Variants in CASP5 observed in about 807,000 individuals in gnomAD.
CASP5 encodes caspase-5.
A neutral mutation model predicts 45.2 loss-of-function variants in CASP5; 42 were observed. That is an observed-to-expected ratio of 0.93 (90% CI 0.73 to 1.20). The LOEUF is 1.20. Among genes scored for constraint, CASP5 ranks in the 50% most tolerant of loss-of-function variants. The pLI is 0.00. For synonymous variants in CASP5, 209 were observed against 186.2 expected (o/e 1.12, Z -1.00); for missense variants, 512 against 532.2 (o/e 0.96, Z 0.37).
intron 1 of CASP5, among the ~76,000 whole-genome samples, chr11:105,017,556 G>C (rs1439941391): frequency 6.6e-6 from 1 of 152,176 alleles, no homozygotes; most frequent in Non-Finnish European, 1.5e-5. Context: ...AAGGGTATCA[G>C]CGATGGAAGA....
rs1376217543 is a variant in CASP5, at chr11:105,017,527, G to A, written c.7+5603C>T. Among the ~76,000 whole-genome samples the A allele has an allele frequency of 2.4e-3, 363 of 152,110 alleles. 3 individuals carry two copies. Among genetic ancestry groups the A allele is most frequent in the Non-Finnish European group, 4.2e-3 (284 of 67,976 alleles). The stretch of plus-strand genomic sequence containing the variant: ...GAAGAATGCAGAAGCCTCAGGAGCC[G>A]ATGCGATCAACTGGAAGAAAGGGTA... On this transcript the variant is annotated intron_variant, in intron 1 of 9. Coordinates refer to ENST00000260315, the MANE Select transcript of CASP5 (RefSeq NM_004347.5).
Position 105,007,327 on chromosome 11 carries a change from G to A in CASP5, c.189C>T (p.Asn63=). The stretch of plus-strand genomic sequence containing the variant: ...ACATCTTAACTGTTTTTTTTTTGTG[G>A]TTGTCTTCTGTCAGAAATAGAAAGA... ...DQKSTSVKKD[N]HKKKTVKMLE... The change falls in exon 3 of 10, where the codon AAC becomes AAT. Residue 63 remains asparagine (N), a synonymous_variant. Transcript: ENST00000260315. 6.3e-7 allele frequency: 1 copy of A among 1,592,868 alleles called. No homozygotes were observed.
rs201689777 is a variant in CASP5, at chr11:105,007,273, A to G, written c.243T>C (p.His81=). The G allele has an allele frequency of 1.3e-5, 21 of 1,610,970 alleles. No homozygotes were observed. The African/African-American group carries it at 1.9e-4, about 14-fold the overall frequency. Residue 81 remains histidine, a synonymous_variant, in exon 3 of 10, where the codon CAT becomes CAC. Transcript: ENST00000260315. The part of the protein sequence containing the change: ...MLEYLGKDVL[H]GVFNYLAKHD... ...GTTTTGCCAAATAATTAAAAACACC[A>G]TGAAGAACATCTTTGCCCAGGTATT...
chr11:105,007,206 A>C lies in CASP5; in HGVS notation c.310T>G (p.Tyr104Asp), dbSNP rs1267132187. Residue 104 changes from tyrosine to aspartate, a missense_variant, in exon 3 of 10, where the codon TAT becomes GAT. Tyr to Asp is a radical substitution (Grantham distance 160). Coordinates refer to ENST00000260315, the MANE Select transcript of CASP5 (RefSeq NM_004347.5). The part of the protein sequence containing the change: ...TLKEEEKKKY[Y>D]DTKIEDKALI... ...GCCTTGTCTTCAATTTTGGTATCATAATATTTTTTCTTTTCCTCTTCCTTC... is the reference window on the plus strand; with the variant it reads ...GCCTTGTCTTCAATTTTGGTATCATCATATTTTTTCTTTTCCTCTTCCTTC... The C allele has an allele frequency of 1.2e-6, 2 of 1,613,684 alleles. No homozygotes were observed. The highest frequency in any genetic ancestry group is 1.1e-5 in the South Asian group (1 of 91,068).
At chr11:105,001,907 C>G (rs1410951602) in intron 5 of CASP5, 121 bp downstream of exon 5, 1 of 860,994 alleles carries the variant, frequency 1.2e-6, no homozygotes, top group Admixed American at 2.6e-5. Flanking sequence ...TACACACACA[C>G]ACACACACGC....
intron 1 of CASP5, among the ~76,000 whole-genome samples, chr11:105,021,713 G>C (rs1404039694): frequency 2.0e-5 from 3 of 146,730 alleles, no homozygotes; most frequent in Non-Finnish European, 4.5e-5. Flanking sequence ...CTGTTGGTGG[G>C]ACTGTAAACT....
chr11:105,012,812 G>A (rs1473401609), intron 1 of CASP5, among the ~76,000 whole-genome samples: 1 of 151,632 alleles, frequency 6.6e-6, no homozygotes, highest in African/African-American at 2.4e-5. Context: ...TATACTGTTG[G>A]TGAAAATATA....
At chr11:105,001,994 A>G (rs767206797) in intron 5 of CASP5, 34 bp downstream of exon 5, 1 of 1,599,484 alleles carries the variant, frequency 6.3e-7, no homozygotes, top group Admixed American at 1.7e-5. Context: ...TGTGTTGCCT[A>G]TGGATGAGTG....
chr11:105,019,261 C>G (rs1394420028), intron 1 of CASP5, among the ~76,000 whole-genome samples: 2 of 150,100 alleles, frequency 1.3e-5, no homozygotes, highest in African/African-American at 2.4e-5. Context: ...AAAGCAAGAG[C>G]AAACACATTC....
chr11:105,002,085 T>C lies in CASP5; in HGVS notation c.660A>G (p.Lys220=). ...NGAHYDIVGM[K]RLLQGLGYTV... is the part of the protein sequence containing the mutation. ...TGTAGCCCAGGCCTTGAAGCAGCCTTTTCATCCCCACGATGTCATAGTGAG... is the reference window on the plus strand; with the variant it reads ...TGTAGCCCAGGCCTTGAAGCAGCCTCTTCATCCCCACGATGTCATAGTGAG... The change falls in exon 5 of 10, where the codon AAA becomes AAG. Residue 220 remains lysine (K), a synonymous_variant. Coordinates refer to ENST00000260315, the MANE Select transcript of CASP5 (RefSeq NM_004347.5). 1 of 1,614,126 alleles carries C rather than the reference T, an allele frequency of 6.2e-7. No homozygotes were observed. The highest frequency in any genetic ancestry group is 8.5e-7 in the Non-Finnish European group (1 of 1,180,022).
At position 105,010,379 on chromosome 11, in the gene CASP5, CATT is replaced by C. The variant is rs1340021926; in HGVS notation, c.8-1402_8-1400del. Among the ~76,000 whole-genome samples, 361 of 144,304 alleles carry C rather than the reference CATT, an allele frequency of 2.5e-3. 3 individuals are homozygous for C. Among genetic ancestry groups the C allele is most frequent in the African/African-American group, 9.0e-3 (345 of 38,534 alleles). 94.7% of individuals were successfully genotyped at this position (144,304 alleles called of 152,430 possible). A position where few individuals can be genotyped will look rare whatever the true frequency, so the allele number is the denominator to read the frequency against. ...TATTATTAACAATATCAGTAATTAT[CATT>C]ATTATAATGATTTAATCAGTAATTA... is the stretch of plus-strand genomic sequence containing the variant. On this transcript the variant is annotated intron_variant, in intron 1 of 9. Coordinates refer to ENST00000260315, the MANE Select transcript of CASP5 (RefSeq NM_004347.5).
rs544456673 is a variant in CASP5 at position 104,998,352 on chromosome 11, A to T, written c.1096+533T>A. Among the ~76,000 whole-genome samples, 217 of 151,154 alleles carry T rather than the reference A, an allele frequency of 1.4e-3. 3 individuals are homozygous for T. In the South Asian group the frequency reaches 0.045, roughly 31 times the overall value. ...GATGATTACCTAGAGGTGAAATACA[A>T]ACGACTGTTTCCTGTAATTAGACCT... On this transcript the variant is annotated intron_variant, in intron 7 of 9. Transcript: ENST00000260315.
chr11:105,002,908 T>A lies in CASP5; in HGVS notation c.543+366A>T, dbSNP rs953217738. Among the ~76,000 whole-genome samples the A allele has an allele frequency of 2.0e-5, 3 of 152,290 alleles. No individual in the cohort carries two copies. The East Asian group carries it at 5.8e-4, about 29-fold the overall frequency. On this transcript the variant is annotated intron_variant, in intron 4 of 9. Transcript: ENST00000260315. Reference sequence around the variant, plus strand: ...CATCATTTAGTGCTTTAAGTATTTGTGCATTTATGGCTGGCACTGTGGTTC... The same window carrying A: ...CATCATTTAGTGCTTTAAGTATTTGAGCATTTATGGCTGGCACTGTGGTTC...
chr11:105,009,918 T>C (rs1862248153), intron 1 of CASP5, among the ~76,000 whole-genome samples: 1 of 125,566 alleles, frequency 8.0e-6, no homozygotes, highest in African/African-American at 3.3e-5. Context: ...CACATATATA[T>C]ATACACACAT....
chr11:105,000,471 A>G lies in CASP5; in HGVS notation c.742T>C (p.Phe248Leu). ...GACTTGTGCTCTGGTCTGGCAGCAA[A>G]TGCCCTCAGCACTGACTCCATATCC... ...ARDMESVLRAFAARPEHKSSD... is the reference protein window; with the variant it reads ...ARDMESVLRALAARPEHKSSD... The change falls in exon 6 of 10, where the codon TTT becomes CTT. Residue 248 changes from phenylalanine (F) to leucine (L), a missense_variant. Coordinates refer to ENST00000260315, the MANE Select transcript of CASP5 (RefSeq NM_004347.5). 1 of 1,614,160 alleles carries G rather than the reference A, an allele frequency of 6.2e-7. No homozygotes were observed. The highest frequency in any genetic ancestry group is 8.5e-7 in the Non-Finnish European group (1 of 1,180,010).
At chr11:105,012,476 T>C (rs1424785784) in intron 1 of CASP5, among the ~76,000 whole-genome samples, 4 of 151,642 alleles carry the variant, frequency 2.6e-5, no homozygotes, top group Admixed American at 6.6e-5. Flanking sequence ...GAAACAACAG[T>C]GTGAAGAGAT....
intron 8 of CASP5, among the ~76,000 whole-genome samples, chr11:104,997,010 T>C (rs1185623583): frequency 1.3e-5 from 2 of 152,198 alleles, no homozygotes; most frequent in East Asian, 3.8e-4. Flanking sequence ...TCCTAGATAG[T>C]CTTAAGCCAT....
chr11:105,020,412 T>A (rs1000615839), intron 1 of CASP5, among the ~76,000 whole-genome samples: 1 of 150,466 alleles, frequency 6.6e-6, no homozygotes, highest in Non-Finnish European at 1.5e-5. Context: ...AAAACCCCAT[T>A]GTCTCAGCCC....
chr11:105,023,105 T>C lies in CASP5; in HGVS notation c.7+25A>G, dbSNP rs752906154. 13 of 1,549,966 alleles carry C rather than the reference T, an allele frequency of 8.4e-6. No homozygotes were observed. In the East Asian group the frequency reaches 1.5e-4, roughly 17 times the overall value. On this transcript the variant is annotated intron_variant, in intron 1 of 9. Coordinates refer to ENST00000260315, the MANE Select transcript of CASP5 (RefSeq NM_004347.5). ...TTCTAAGACCTGAGTACCCAGCTGC[T>C]AGTCAGAAAAGGGCCCAGACTCACC... is the stretch of plus-strand genomic sequence containing the variant.
Sources: allele counts gnomAD v4.1 joint callset (sites outside exome capture counted in the v4.1 genomes callset), GRCh38; gene constraint gnomAD v4.1.1; transcripts MANE v1.5; gene names NCBI Gene and HGNC (gene_info 2026-07-23, HGNC 2026-07-21).